Variants in RGPD2 observed in about 807,000 individuals in gnomAD.
RGPD2 encodes RANBP2 like and GRIP domain containing 2, also known as RANBP2-like and GRIP domain-containing protein 2.
In RGPD2, 2 loss-of-function variants were observed where a neutral mutation model predicts 36.0. That is an observed-to-expected ratio of 0.06 (90% CI 0.02 to 0.17). RGPD2 has a LOEUF of 0.17. Among genes scored for constraint, RGPD2 ranks in the 10% least tolerant of loss-of-function variants. The pLI is 1.00. For synonymous variants in RGPD2, 19 were observed against 163.8 expected (o/e 0.12, Z 6.75); for missense variants, 40 against 464.3 (o/e 0.09, Z 8.40).
chr2:87,934,257 A>T, the RGPD2 span, among the ~76,000 whole-genome samples: 1 of 140,842 alleles, frequency 7.1e-6, no homozygotes, highest in African/African-American at 3.0e-5. Flanking sequence ...TGAAAAATTC[A>T]AACAACACAG....
upstream of RGPD2, chr2:87,825,842 A>C: frequency 7.7e-7 from 1 of 1,306,394 alleles, no homozygotes; most frequent in Non-Finnish European, 1.0e-6. Context: ...GCGGAGGACC[A>C]CTGTGACGCA....
At chr2:87,948,583 G>A in the RGPD2 span, among the ~76,000 whole-genome samples, 15 of 142,588 alleles carry the variant, frequency 1.1e-4, no homozygotes, top group Admixed American at 8.3e-4. Flanking sequence ...GTTTCTCCAT[G>A]TTGGTCAGGC....
At chr2:87,876,724 G>T in the RGPD2 span, among the ~76,000 whole-genome samples, 1 of 152,186 alleles carries the variant, frequency 6.6e-6, no homozygotes, top group Non-Finnish European at 1.5e-5. Flanking sequence ...TATCTACCAG[G>T]TCTGCTTGAT....
At chr2:87,937,755 T>A in the RGPD2 span, among the ~76,000 whole-genome samples, 4 of 151,920 alleles carry the variant, frequency 2.6e-5, no homozygotes, top group South Asian at 8.3e-4. Flanking sequence ...GTAGATTGGA[T>A]AAGTTAGCAA....
chr2:87,988,541 A>ATATATATATATATATATATTT, the RGPD2 span, among the ~76,000 whole-genome samples: 4 of 54,142 alleles, frequency 7.4e-5, no homozygotes, highest in South Asian at 2.2e-3. Context: ...ATATATATAT[A>ATATATATATATATATATATTT]TTTTTTTTTT....
the RGPD2 span, among the ~76,000 whole-genome samples, chr2:87,956,428 C>T: frequency 2.7e-5 from 4 of 149,750 alleles, no homozygotes; most frequent in Admixed American, 6.7e-5. Flanking sequence ...TGTGTGTGCA[C>T]GCACGTGCGT....
the RGPD2 span, among the ~76,000 whole-genome samples, chr2:87,938,008 T>A: frequency 6.6e-6 from 1 of 151,800 alleles, no homozygotes; most frequent in Non-Finnish European, 1.5e-5. Flanking sequence ...TTGAAACACC[T>A]TAGTAGTATG....
chr2:87,962,091 A>G, the RGPD2 span, among the ~76,000 whole-genome samples: 13 of 149,930 alleles, frequency 8.7e-5, no homozygotes, highest in Admixed American at 7.9e-4. Context: ...CACTAGCAGA[A>G]TAACAGAACA....
At chr2:87,882,727 T>C in the RGPD2 span, among the ~76,000 whole-genome samples, 3 of 152,194 alleles carry the variant, frequency 2.0e-5, no homozygotes, top group Non-Finnish European at 2.9e-5. Context: ...TTCATGAACA[T>C]GGGATATCTT....
At chr2:87,858,145 G>GGAGGC in the RGPD2 span, among the ~76,000 whole-genome samples, 10 of 152,256 alleles carry the variant, frequency 6.6e-5, no homozygotes, top group East Asian at 1.9e-3. Context: ...AGGCATGGTG[G>GGAGGC]TGCGTGCCTG....
At chr2:87,791,930 G>A in intron 17 of RGPD2, 60 bp downstream of exon 17, 1 of 93,922 alleles carries the variant, frequency 1.1e-5, no homozygotes, top group Non-Finnish European at 1.6e-5. Flanking sequence ...AAAAGTGAGA[G>A]AGTGGCCAGG....
chr2:87,977,725 A>C, the RGPD2 span, among the ~76,000 whole-genome samples: 15 of 152,058 alleles, frequency 9.9e-5, no homozygotes, highest in Non-Finnish European at 2.2e-4. Flanking sequence ...GTAATATTTT[A>C]ATTTGTATTA....
At chr2:87,978,918 T>TAAA in the RGPD2 span, among the ~76,000 whole-genome samples, 16 of 129,852 alleles carry the variant, frequency 1.2e-4, no homozygotes, top group Admixed American at 9.7e-4. Context: ...CCCCGTCTCT[T>TAAA]AAAAAAAAAA....
At chr2:87,973,218 C>A in the RGPD2 span, 1 of 1,609,026 alleles carries the variant, frequency 6.2e-7, no homozygotes, top group Non-Finnish European at 8.5e-7. Flanking sequence ...AGAGTGCCCT[C>A]CCTCATCAGG....
chr2:87,806,252 A>G (rs1574017075), intron 7 of RGPD2, among the ~76,000 whole-genome samples: 1 of 84,560 alleles, frequency 1.2e-5, no homozygotes, highest in Non-Finnish European at 2.5e-5. Flanking sequence ...ACAGCCATAA[A>G]TGTTATATAC....
the RGPD2 span, among the ~76,000 whole-genome samples, chr2:87,877,804 C>CAAAAAAAAAAAAAA: frequency 9.2e-4 from 78 of 84,428 alleles, no homozygotes; most frequent in African/African-American, 1.1e-3. Flanking sequence ...GACTCCGTCT[C>CAAAAAAAAAAAAAA]AAAAAAAAAA....
At chr2:87,877,804 CAAAAAAAAAAAAA>C in the RGPD2 span, among the ~76,000 whole-genome samples, 1 of 84,418 alleles carries the variant, frequency 1.2e-5, no homozygotes, top group South Asian at 5.2e-4. Context: ...GACTCCGTCT[CAAAAAAAAAAAAA>C]AAAAAAAAAA....
the RGPD2 span, among the ~76,000 whole-genome samples, chr2:87,938,059 A>G: frequency 6.6e-6 from 1 of 151,818 alleles, no homozygotes; most frequent in Non-Finnish European, 1.5e-5. Flanking sequence ...TGGACAATTA[A>G]TTTTTTAAAA....
At chr2:87,910,479 A>G in the RGPD2 span, among the ~76,000 whole-genome samples, 1 of 152,396 alleles carries the variant, frequency 6.6e-6, no homozygotes, top group East Asian at 1.9e-4. Flanking sequence ...GACGGGATTC[A>G]TCTTTTTAGA....
Sources: allele counts gnomAD v4.1 joint callset (sites outside exome capture counted in the v4.1 genomes callset), GRCh38; gene constraint gnomAD v4.1.1; transcripts MANE v1.5; gene names NCBI Gene and HGNC (gene_info 2026-07-23, HGNC 2026-07-21).